ZNF615: variants seen among roughly 807,000 people sequenced by gnomAD.
ZNF615 encodes zinc finger protein 615.
In ZNF615, 15 loss-of-function variants were observed where a neutral mutation model predicts 15.3. The ratio of observed to expected loss-of-function variants is 0.98; its 90% CI spans 0.66 to 1.51. The LOEUF is 1.51. ZNF615 is among the 40% of genes most tolerant of loss of function. The pLI, the probability that ZNF615 is intolerant of heterozygous loss-of-function variation, is 0.00. For missense variants in ZNF615, 848 were observed against 895.9 expected, an observed-to-expected ratio of 0.95 and a Z score of 0.68; for synonymous variants, 268 against 294.6, an observed-to-expected ratio of 0.91 and a Z score of 0.92.
chr19:51,997,653 C>G (rs887712159), intron 6 of ZNF615, among the ~76,000 whole-genome samples: 3 of 152,232 alleles, frequency 2.0e-5, no homozygotes, highest in Non-Finnish European at 2.9e-5. Context: ...AACCTCTGAG[C>G]CCCTGGAATA....
chr19:51,992,592 TC>T lies in ZNF615; in HGVS notation c.*287del, dbSNP rs2086264158. The stretch of plus-strand genomic sequence containing the variant: ...AAGACGTTCCTATAATTATTACATT[TC>T]CACGAATTAGTAGTTTATTCATGAT... On this transcript the variant is annotated 3_prime_UTR_variant, in exon 7 of 7. Transcript: ENST00000598071. 3.3e-6 allele frequency: 1 copy of T among 300,130 alleles called. No homozygotes were observed. The highest frequency in any genetic ancestry group is 6.2e-6 in the Non-Finnish European group (1 of 162,510). The allele number at this position is 300,130 out of a possible 1,614,324, so 18.6% of individuals were successfully genotyped here.
At chr19:52,007,661 C>G (rs1445816101) in intron 1 of ZNF615, among the ~76,000 whole-genome samples, 2 of 152,186 alleles carry the variant, frequency 1.3e-5, no homozygotes, top group African/African-American at 4.8e-5. Flanking sequence ...GCTACCACCA[C>G]CGCCACCGGG....
In ZNF615 at chr19:52,002,383, G is replaced by C. The variant is rs1055373696; in HGVS notation, c.16-102C>G. On this transcript the variant is annotated intron_variant, in intron 3 of 6. Transcript: ENST00000598071. The stretch of plus-strand genomic sequence containing the variant: ...CTCATTTTCACCACATAGGAAGCTG[G>C]TGGGGTTTTTTTCTTAGTACATTTT... 184 of 1,541,556 alleles carry C rather than the reference G, an allele frequency of 1.2e-4. 2 individuals carry two copies. In the Admixed American group the frequency reaches 1.7e-3, roughly 14 times the overall value.
At chr19:52,005,359 C>T (rs2086722093) in intron 2 of ZNF615, among the ~76,000 whole-genome samples, 1 of 152,154 alleles carries the variant, frequency 6.6e-6, no homozygotes, top group South Asian at 2.1e-4. Flanking sequence ...ATACTAATTA[C>T]CATAACATTA....
chr19:51,994,268 G>T lies in ZNF615; in HGVS notation c.841C>A (p.Leu281Ile). Residue 281 changes from leucine to isoleucine, a missense_variant, in exon 7 of 7, where the codon CTC becomes ATC. Physicochemically the swap from Leu to Ile is conservative, Grantham distance 5 (BLOSUM62 2). Transcript: ENST00000598071. ...TGTATATTGAGCTGTGATTTCTTGA[G>T]GAAGGTTTTGTCACATTCAGTGCAT... is the stretch of plus-strand genomic sequence containing the variant. ...YECTECDKTF[L>I]KKSQLNIHQK... The T allele has an allele frequency of 6.2e-7, 1 of 1,614,088 alleles. No homozygotes were observed. Among genetic ancestry groups the T allele is most frequent in the Non-Finnish European group, 8.5e-7 (1 of 1,180,012 alleles).
At chr19:52,002,380 C>A in intron 3 of ZNF615, 99 bp from the exon 4 acceptor site, 1 of 1,539,134 alleles carries the variant, frequency 6.5e-7, no homozygotes, top group Middle Eastern at 1.7e-4. Context: ...ACATAGGAAG[C>A]TGGTGGGGTT....
At position 51,992,808 on chromosome 19, in the gene ZNF615, G is replaced by T; in HGVS notation, c.*72C>A. ...CACTAAATAAACAACCATGTAGTCT[G>T]CATTCATGAAATTACTCTTCTTTGC... On this transcript the variant is annotated 3_prime_UTR_variant, in exon 7 of 7. Transcript: ENST00000598071. 6.7e-7 allele frequency: 1 copy of T among 1,503,382 alleles called. No homozygotes were observed. The allele number at this position is 1,503,382 out of a possible 1,614,324, so 93.1% of individuals were successfully genotyped here.
At chr19:52,000,093 G>T in intron 6 of ZNF615, 1 of 360,078 alleles carries the variant, frequency 2.8e-6, no homozygotes, top group Non-Finnish European at 4.9e-6. Context: ...GCAGCTGGAA[G>T]CCATTACCCT....
Position 51,991,871 on chromosome 19 carries a change from T to C in ZNF615, c.*1009A>G, listed in dbSNP as rs2086244588. 1 of 149,026 alleles carries C rather than the reference T, an allele frequency of 6.7e-6. No homozygotes were observed. The highest frequency in any genetic ancestry group is 2.2e-4 in the South Asian group (1 of 4,524). The allele number at this position is 149,026 out of a possible 1,614,324, so 9.2% of individuals were successfully genotyped here. A position where few individuals can be genotyped will look rare whatever the true frequency, so the allele number is the denominator to read the frequency against. On this transcript the variant is annotated 3_prime_UTR_variant, in exon 7 of 7. Coordinates refer to ENST00000598071, the MANE Select transcript of ZNF615 (RefSeq NM_001199324.2). ...TATTTGGTAATGAACTATGCTTATG[T>C]AAGTTGTTATCTTTGGAAGAAGCTG...
At chr19:52,001,704 T>C in intron 5 of ZNF615, 109 bp downstream of exon 5, 1 of 785,116 alleles carries the variant, frequency 1.3e-6, no homozygotes, top group Non-Finnish European at 2.2e-6. Flanking sequence ...GAAGGAGTGA[T>C]GGAGGGGCTG....
rs146219936 is a variant in ZNF615 at position 52,002,196 on chromosome 19, C to T, written c.101G>A (p.Arg34Gln). 1.7e-4 allele frequency: 281 copies of T among 1,614,164 alleles called. 1 individual carries two copies. In the African/African-American group the frequency reaches 3.4e-3, roughly 20 times the overall value. The change falls in exon 4 of 7, where the codon CGG becomes CAG. Residue 34 changes from arginine to glutamine, a missense_variant. By Grantham distance (43) the Arg-to-Gln change is conservative. Coordinates refer to ENST00000598071, the MANE Select transcript of ZNF615 (RefSeq NM_001199324.2). Reference sequence around the variant, plus strand: ...GCTGTAGTTCTCCAACATCACGTCCCGGTACAGGTCCTTCTGAGCAGGGCT... The same window carrying T: ...GCTGTAGTTCTCCAACATCACGTCCTGGTACAGGTCCTTCTGAGCAGGGCT... ...FLSPAQKDLY[R>Q]DVMLENYSNL... is the part of the protein sequence containing the mutation.
In ZNF615 at chr19:51,992,920, T is replaced by A; in HGVS notation, c.2189A>T (p.His730Leu). The change falls in exon 7 of 7, where the codon CAC becomes CTC. Residue 730 changes from histidine to leucine, a missense_variant. Physicochemically the swap from His to Leu is moderately conservative, Grantham distance 99. Coordinates refer to ENST00000598071, the MANE Select transcript of ZNF615 (RefSeq NM_001199324.2). ...GCSDCGKAFA[H>L]LSILVKHRRI... The stretch of plus-strand genomic sequence containing the variant: ...CCTGTGTTTAACAAGGATAGACAAG[T>A]GCGCAAAAGCTTTCCCACAATCACT... 1 of 1,614,164 alleles carries A rather than the reference T, an allele frequency of 6.2e-7. No individual in the cohort carries two copies. Among genetic ancestry groups the A allele is most frequent in the Non-Finnish European group, 8.5e-7 (1 of 1,180,004 alleles).
At chr19:52,001,325 G>GA (rs1023078636) in intron 5 of ZNF615, among the ~76,000 whole-genome samples, 2 of 151,632 alleles carry the variant, frequency 1.3e-5, no homozygotes, top group African/African-American at 4.8e-5. Flanking sequence ...AAATCTCAAG[G>GA]AAAAAAAGTG....
intron 2 of ZNF615, among the ~76,000 whole-genome samples, chr19:52,006,329 A>G (rs970109833): frequency 1.3e-5 from 2 of 152,212 alleles, no homozygotes; most frequent in African/African-American, 4.8e-5. Flanking sequence ...GACAAAACCA[A>G]AAATAATCCT....
chr19:51,994,504 A>T lies in ZNF615; in HGVS notation c.605T>A (p.Phe202Tyr). 1.2e-6 allele frequency: 2 copies of T among 1,614,178 alleles called. No homozygotes were observed. The highest frequency in any genetic ancestry group is 1.1e-5 in the South Asian group (1 of 91,080). Residue 202 changes from phenylalanine (F) to tyrosine (Y), a missense_variant, in exon 7 of 7, where the codon TTC becomes TAC. Phe to Tyr is a conservative substitution (Grantham distance 22). Coordinates refer to ENST00000598071, the MANE Select transcript of ZNF615 (RefSeq NM_001199324.2). Reference sequence around the variant, plus strand: ...GTTGTGAGTTCTCTGTTGCTTAATGAACTGGGACTTATTAATAGGTTTTGC... The same window carrying T: ...GTTGTGAGTTCTCTGTTGCTTAATGTACTGGGACTTATTAATAGGTTTTGC... ...AIAKPINKSQFIKQQRTHNIE... is the reference protein window; with the variant it reads ...AIAKPINKSQYIKQQRTHNIE...
Position 52,008,071 on chromosome 19 carries a change from C to T in ZNF615, c.-228+70G>A. ...GATACCAGTCCATCACCACTGTCCA[C>T]GAACACGCCCAGCCACGGACAGAAT... On this transcript the variant is annotated intron_variant, in intron 1 of 6. Transcript: ENST00000598071. 2.8e-6 allele frequency: 4 copies of T among 1,445,240 alleles called. No homozygotes were observed. The Admixed American group carries it at 6.0e-5, about 22-fold the overall frequency. 89.5% of individuals were successfully genotyped at this position (1,445,240 alleles called of 1,614,324 possible).
chr19:51,999,199 A>G (rs981966997), intron 6 of ZNF615, among the ~76,000 whole-genome samples: 8 of 152,206 alleles, frequency 5.3e-5, no homozygotes, highest in African/African-American at 1.4e-4. Flanking sequence ...TGCATTGTCG[A>G]AAGAAGTCAA....
rs2086269214 is a variant in ZNF615, at chr19:51,992,732, C to A, written c.*148G>T. On this transcript the variant is annotated 3_prime_UTR_variant, in exon 7 of 7. Coordinates refer to ENST00000598071, the MANE Select transcript of ZNF615 (RefSeq NM_001199324.2). Reference sequence around the variant, plus strand: ...TAGACATAATGTCCTAAAATATTTTCTCAAATGTTTTGTACATGTTTTCTC... The same window carrying A: ...TAGACATAATGTCCTAAAATATTTTATCAAATGTTTTGTACATGTTTTCTC... 1 of 984,096 alleles carries A rather than the reference C, an allele frequency of 1.0e-6. No individual in the cohort carries two copies. The highest frequency in any genetic ancestry group is 2.4e-5 in the Admixed American group (1 of 41,718). The allele number at this position is 984,096 out of a possible 1,614,324, so 61.0% of individuals were successfully genotyped here.
At position 51,993,023 on chromosome 19, in the gene ZNF615, A is replaced by G. The variant is rs1318330106; in HGVS notation, c.2086T>C (p.Cys696Arg). Reference sequence around the variant, plus strand: ...GATTTTGTAGTGAAGGCTTTCCCGCAGTCACTGCATTTGTACGGTTTCTCT... The same window carrying G: ...GATTTTGTAGTGAAGGCTTTCCCGCGGTCACTGCATTTGTACGGTTTCTCT... ...TGEKPYKCSD[C>R]GKAFTTKSGL... Residue 696 changes from cysteine (C) to arginine (R), a missense_variant, in exon 7 of 7, where the codon TGC becomes CGC. By Grantham distance (180) the Cys-to-Arg change is radical. Transcript: ENST00000598071. 6.2e-7 allele frequency: 1 copy of G among 1,614,224 alleles called. No individual in the cohort carries two copies. Among genetic ancestry groups the G allele is most frequent in the South Asian group, 1.1e-5 (1 of 91,090 alleles).
Sources: allele counts gnomAD v4.1 joint callset (sites outside exome capture counted in the v4.1 genomes callset), GRCh38; gene constraint gnomAD v4.1.1; transcripts MANE v1.5; gene names NCBI Gene and HGNC (gene_info 2026-07-23, HGNC 2026-07-21).